The following HSPG2 variants were observed in gnomAD, a reference collection of about 807,000 sequenced individuals.
HSPG2 encodes the protein basement membrane-specific heparan sulfate proteoglycan core protein.
Under a neutral mutation model 526.6 loss-of-function variants are expected in HSPG2, and 278 were observed. The observed-to-expected ratio is 0.53, with a 90% CI of 0.48 to 0.58. HSPG2 has a LOEUF of 0.58. Ranked by LOEUF, HSPG2 falls within the 20% of genes least tolerant of loss-of-function variation. HSPG2 has a pLI of 0.00. For missense variants in HSPG2, 5,354 were observed against 6,099.5 expected, an observed-to-expected ratio of 0.88 and a Z score of 4.07; for synonymous variants, 2,465 against 2,555.4, an observed-to-expected ratio of 0.96 and a Z score of 1.07.
In HSPG2 at chr1:21,865,215, C is replaced by G; in HGVS notation, c.4395+70G>C. 1.3e-6 allele frequency: 2 copies of G among 1,554,600 alleles called. No individual in the cohort carries two copies. The highest frequency in any genetic ancestry group is 1.8e-6 in the Non-Finnish European group (2 of 1,125,920). On this transcript the variant is annotated intron_variant, in intron 35 of 96. Transcript: ENST00000374695. This position sits in a 1 kb window ranked among gnomAD's most constrained non-coding sequence, Gnocchi z 5.4. ...GGGGAGCGAGAGACAGGGTGGGTATCAAAGCCAGGCTCTGAGTCAGGGTGG... is the reference window on the plus strand; with the variant it reads ...GGGGAGCGAGAGACAGGGTGGGTATGAAAGCCAGGCTCTGAGTCAGGGTGG...
At chr1:21,910,829 T>C (rs1186225105) in intron 1 of HSPG2, among the ~76,000 whole-genome samples, 4 of 152,144 alleles carry the variant, frequency 2.6e-5, no homozygotes, top group East Asian at 1.9e-4. Flanking sequence ...AAGTACCTGA[T>C]GTTAATTATC....
intron 1 of HSPG2, among the ~76,000 whole-genome samples, chr1:21,924,220 C>T (rs960978652): frequency 3.3e-5 from 5 of 152,176 alleles, no homozygotes; most frequent in East Asian, 3.9e-4. Flanking sequence ...AATAGCCAGG[C>T]GCAGAGGAAG....
chr1:21,885,595 AC>A, intron 9 of HSPG2, 144 bp from the exon 10 acceptor site: 1 of 934,000 alleles, frequency 1.1e-6, no homozygotes, highest in South Asian at 1.4e-5. Context: ...TGTCCAACTC[AC>A]AGCCAGCATG....
intron 44 of HSPG2, 27 bp from the exon 45 acceptor site, chr1:21,855,939 A>G: frequency 6.2e-7 from 1 of 1,603,396 alleles, no homozygotes; most frequent in Non-Finnish European, 8.5e-7. Flanking sequence ...AGGAACATGC[A>G]CTCAGGGTGG....
intron 78 of HSPG2, 65 bp from the exon 79 acceptor site, chr1:21,833,679 C>A (rs2098014335): frequency 1.2e-6 from 2 of 1,606,120 alleles, no homozygotes; most frequent in South Asian, 1.1e-5. Context: ...CACCTCCCAT[C>A]TGTGCCTCAG....
rs60060959 is a variant in HSPG2, at chr1:21,873,169, T to A, written c.3794-78A>T. On this transcript the variant is annotated intron_variant, in intron 30 of 96. Coordinates refer to ENST00000374695, the MANE Select transcript of HSPG2 (RefSeq NM_005529.7). ...CTCTTCCCTCCACTCTGCTCACCAC[T>A]GAGCGGGAGCTCTGATTTCTGATGT... The A allele has an allele frequency of 3.8e-3, 4,940 of 1,314,512 alleles. 159 individuals are homozygous for A. In the African/African-American group the frequency reaches 0.061, roughly 16 times the overall value. 81.4% of individuals were successfully genotyped at this position (1,314,512 alleles called of 1,614,324 possible). A position where few individuals can be genotyped will look rare whatever the true frequency, so the allele number is the denominator to read the frequency against.
chr1:21,827,803 G>T, intron 91 of HSPG2, 60 bp downstream of exon 91: 1 of 1,504,110 alleles, frequency 6.6e-7, no homozygotes, highest in Non-Finnish European at 9.0e-7. Flanking sequence ...TTGAGGGTGT[G>T]GGGTAACTGG....
At chr1:21,924,586 T>C (rs1483412178) in intron 1 of HSPG2, among the ~76,000 whole-genome samples, 1 of 151,934 alleles carries the variant, frequency 6.6e-6, no homozygotes, top group Non-Finnish European at 1.5e-5. Context: ...ATCTTGTGAG[T>C]AGGAAAACTG....
At chr1:21,871,801 C>T (rs1322649022) in intron 33 of HSPG2, among the ~76,000 whole-genome samples, 1 of 152,224 alleles carries the variant, frequency 6.6e-6, no homozygotes, top group Non-Finnish European at 1.5e-5. Context: ...AGCACAGAGC[C>T]AGCAGTGTGG....
chr1:21,902,887 T>C (rs991030575), intron 1 of HSPG2, among the ~76,000 whole-genome samples: 1 of 152,222 alleles, frequency 6.6e-6, no homozygotes, highest in African/African-American at 2.4e-5. Flanking sequence ...GAGTCTCTAC[T>C]GTATGCACTG....
intron 74 of HSPG2, 140 bp downstream of exon 74, chr1:21,838,685 G>A: frequency 1.1e-6 from 1 of 871,812 alleles, no homozygotes; most frequent in Admixed American, 2.1e-5. Context: ...GCCTGCCTCG[G>A]GCCCTGGAGA....
In HSPG2 at chr1:21,880,157, T is replaced by C. The variant is rs1440130621; in HGVS notation, c.2293A>G (p.Asn765Asp). ...GPYLGTCSGC[N>D]CNGHASSCDP... ...CAGGAGCTGGCATGGCCATTGCAAT[T>C]GCAACCAGAGCAGGTGCCCAGGTAG... Residue 765 changes from asparagine (N) to aspartate (D), a missense_variant, in exon 17 of 97, where the codon AAT (asparagine) becomes GAT (aspartate). Transcript: ENST00000374695. The C allele has an allele frequency of 6.2e-7, 1 of 1,614,132 alleles. No individual in the cohort carries two copies. The highest frequency in any genetic ancestry group is 1.1e-5 in the South Asian group (1 of 91,084).
At chr1:21,923,279 C>T (rs913474435) in intron 1 of HSPG2, among the ~76,000 whole-genome samples, 6 of 152,006 alleles carry the variant, frequency 3.9e-5, no homozygotes, top group Non-Finnish European at 5.9e-5. Flanking sequence ...TAATGGCGGG[C>T]GCCTGTAATC....
chr1:21,907,976 A>T (rs982538165), intron 1 of HSPG2: 8 of 584,444 alleles, frequency 1.4e-5, no homozygotes, highest in Non-Finnish European at 2.2e-5. Flanking sequence ...TCTATCTCAT[A>T]CGGCTGTTGT....
Position 21,822,925 on chromosome 1 carries a change from C to T in HSPG2, c.*391G>A, listed in dbSNP as rs146732517. The stretch of plus-strand genomic sequence containing the variant: ...GTCTCAGGTAGCTGTGGGGCACCAG[C>T]CCACAAGCCGAGGTTGGCTCTCCTA... On this transcript the variant is annotated 3_prime_UTR_variant, in exon 97 of 97. Transcript: ENST00000374695. 402 of 177,900 alleles carry T rather than the reference C, an allele frequency of 2.3e-3. 7 individuals carry two copies. Among genetic ancestry groups the T allele is most frequent in the African/African-American group, 7.4e-3 (310 of 42,176 alleles). The allele number at this position is 177,900 out of a possible 1,614,324, so 11.0% of individuals were successfully genotyped here.
intron 37 of HSPG2, among the ~76,000 whole-genome samples, chr1:21,863,023 G>A (rs1338264212): frequency 1.7e-4 from 23 of 131,620 alleles, no homozygotes; most frequent in African/African-American, 6.1e-4. Context: ...TTGTGCCATT[G>A]CACTCCAGCC....
chr1:21,871,385 T>C (rs1640640136), intron 33 of HSPG2, among the ~76,000 whole-genome samples: 1 of 148,516 alleles, frequency 6.7e-6, no homozygotes, highest in Non-Finnish European at 1.5e-5. Flanking sequence ...TCAGCCTCCC[T>C]AAATAGCTGG....
At chr1:21,851,363 A>G in intron 55 of HSPG2, 183 bp downstream of exon 55, 1 of 761,338 alleles carries the variant, frequency 1.3e-6, no homozygotes, top group South Asian at 1.8e-5. Flanking sequence ...TAAGTGGTGG[A>G]GCCAGAATTC....
chr1:21,861,520 A>C (rs1639787111), intron 39 of HSPG2, among the ~76,000 whole-genome samples: 1 of 151,934 alleles, frequency 6.6e-6, no homozygotes, highest in African/African-American at 2.4e-5. Context: ...GCATTTAAAA[A>C]GTTAAGCCCA....
Sources: allele counts gnomAD v4.1 joint callset (sites outside exome capture counted in the v4.1 genomes callset), GRCh38; gene constraint gnomAD v4.1.1; non-coding constraint Gnocchi (gnomAD v3.1); transcripts MANE v1.5; gene names NCBI Gene and HGNC (gene_info 2026-07-23, HGNC 2026-07-21).